GPR158: variants seen among roughly 807,000 people sequenced by gnomAD.
GPR158 encodes G protein-coupled receptor 158.
GPR158 carries 30 observed loss-of-function variants against 78.2 expected under a neutral mutation model. The ratio of observed to expected loss-of-function variants is 0.38; its 90% confidence interval spans 0.29 to 0.52. The LOEUF is 0.52. GPR158 is among the 20% of genes least tolerant of loss of function. GPR158 has a pLI of 0.83. For missense variants in GPR158, 1,463 were observed against 1,523.5 expected, an observed-to-expected ratio of 0.96 and a Z score of 0.66; for synonymous variants, 581 against 591.1, an observed-to-expected ratio of 0.98 and a Z score of 0.25.
chr10:25,354,225 C>T (rs987199451), intron 2 of GPR158, among the ~76,000 whole-genome samples: 3 of 151,736 alleles, frequency 2.0e-5, no homozygotes, highest in Non-Finnish European at 4.4e-5. Flanking sequence ...CGTGGTGGCT[C>T]ATGCCTGTAA....
intron 1 of GPR158, among the ~76,000 whole-genome samples, chr10:25,219,169 G>A (rs886308606): frequency 2.6e-5 from 4 of 152,224 alleles, no homozygotes; most frequent in Non-Finnish European, 5.9e-5. Context: ...GGTTATTGAA[G>A]CCCTACGTTA....
At chr10:25,595,817 T>C (rs963390813) in intron 9 of GPR158, among the ~76,000 whole-genome samples, 3 of 152,226 alleles carry the variant, frequency 2.0e-5, no homozygotes, top group African/African-American at 7.2e-5. Context: ...ATAGTGATGA[T>C]GGTTGCACAA....
At chr10:25,274,311 A>G (rs1032469859) in intron 2 of GPR158, among the ~76,000 whole-genome samples, 3 of 152,230 alleles carry the variant, frequency 2.0e-5, no homozygotes, top group Non-Finnish European at 4.4e-5. Flanking sequence ...CACATCCTAT[A>G]TAACACATGA....
At chr10:25,555,025 AAGAAG>A (rs1836769211) in intron 6 of GPR158, among the ~76,000 whole-genome samples, 1 of 152,034 alleles carries the variant, frequency 6.6e-6, no homozygotes, top group African/African-American at 2.4e-5. Flanking sequence ...AAGAAAAGAA[AAGAAG>A]AGAAAAGAAG....
chr10:25,428,768 T>C (rs1340980233), intron 4 of GPR158, among the ~76,000 whole-genome samples: 1 of 152,064 alleles, frequency 6.6e-6, no homozygotes, highest in Non-Finnish European at 1.5e-5. Context: ...ATAATTAAAA[T>C]TTATGTCATT....
At chr10:25,498,781 G>C (rs1015584867) in intron 5 of GPR158, among the ~76,000 whole-genome samples, 1 of 152,182 alleles carries the variant, frequency 6.6e-6, no homozygotes, top group African/African-American at 2.4e-5. Flanking sequence ...GAGGTGAATA[G>C]GGTTGCTCGC....
At chr10:25,517,477 T>A (rs867745182) in intron 5 of GPR158, among the ~76,000 whole-genome samples, 7 of 152,264 alleles carry the variant, frequency 4.6e-5, no homozygotes, top group South Asian at 4.1e-4. Context: ...CTTCCAGTTT[T>A]TGCCCATTCA....
chr10:25,419,717 G>A (rs1277990916), intron 4 of GPR158, among the ~76,000 whole-genome samples: 1 of 152,068 alleles, frequency 6.6e-6, no homozygotes, highest in Non-Finnish European at 1.5e-5. Flanking sequence ...GTGTGAAGTG[G>A]TATCTCATTG....
intron 4 of GPR158, among the ~76,000 whole-genome samples, chr10:25,431,399 A>C (rs2130575747): frequency 6.8e-6 from 1 of 147,774 alleles, no homozygotes; most frequent in East Asian, 1.9e-4. Context: ...GAACACTTTT[A>C]CACTGTTGGT....
At chr10:25,447,561 T>C (rs1196262038) in intron 4 of GPR158, among the ~76,000 whole-genome samples, 1 of 152,160 alleles carries the variant, frequency 6.6e-6, no homozygotes, top group Non-Finnish European at 1.5e-5. Context: ...TGTAAATGAA[T>C]AGGAAGCATG....
At chr10:25,386,045 G>A (rs540790318) in intron 2 of GPR158, among the ~76,000 whole-genome samples, 99 of 152,228 alleles carry the variant, frequency 6.5e-4, no homozygotes, top group African/African-American at 2.4e-3. Context: ...CAAATCTAAT[G>A]TCATAAGGCT....
intron 2 of GPR158, among the ~76,000 whole-genome samples, chr10:25,334,639 T>C (rs1855172631): frequency 6.6e-6 from 1 of 152,048 alleles, no homozygotes; most frequent in Admixed American, 6.6e-5. Context: ...AGATTCTAGT[T>C]ATGATTGTTA....
At chr10:25,194,784 T>G (rs2130646973) in intron 1 of GPR158, among the ~76,000 whole-genome samples, 1 of 152,356 alleles carries the variant, frequency 6.6e-6, no homozygotes, top group South Asian at 2.1e-4. Flanking sequence ...CTCTCCATTG[T>G]TTTATTATAG....
chr10:25,555,664 C>T (rs544930828), intron 6 of GPR158, among the ~76,000 whole-genome samples: 48 of 152,014 alleles, frequency 3.2e-4, no homozygotes, highest in Non-Finnish European at 5.6e-4. Flanking sequence ...AAACTTAATG[C>T]TGAAAGAACA....
chr10:25,331,668 G>T (rs1296775164), intron 2 of GPR158, among the ~76,000 whole-genome samples: 1 of 152,144 alleles, frequency 6.6e-6, no homozygotes, highest in East Asian at 1.9e-4. Context: ...GCTGCCTATG[G>T]CTTTCATCGG....
chr10:25,553,970 G>A (rs1836756837), intron 6 of GPR158, among the ~76,000 whole-genome samples: 1 of 152,080 alleles, frequency 6.6e-6, no homozygotes, highest in South Asian at 2.1e-4. Flanking sequence ...TGTCAAGTAG[G>A]GTTTTTTGGT....
At chr10:25,310,925 A>G (rs1854754717) in intron 2 of GPR158, among the ~76,000 whole-genome samples, 1 of 151,956 alleles carries the variant, frequency 6.6e-6, no homozygotes, top group South Asian at 2.1e-4. Context: ...CTTTCCTCAA[A>G]TATCTATCCA....
chr10:25,207,581 C>G (rs531961997), intron 1 of GPR158, among the ~76,000 whole-genome samples: 1 of 152,042 alleles, frequency 6.6e-6, no homozygotes, highest in Non-Finnish European at 1.5e-5. Context: ...CTGTGAGAAT[C>G]GAATGCCACC....
At chr10:25,375,777 C>G (rs1250703535) in intron 2 of GPR158, among the ~76,000 whole-genome samples, 1 of 151,524 alleles carries the variant, frequency 6.6e-6, no homozygotes, top group Non-Finnish European at 1.5e-5. Context: ...ATCGTAGTGT[C>G]TTAATTACTG....
Sources: allele counts gnomAD v4.1 joint callset (sites outside exome capture counted in the v4.1 genomes callset), GRCh38; gene constraint gnomAD v4.1.1; transcripts MANE v1.5; gene names NCBI Gene and HGNC (gene_info 2026-07-23, HGNC 2026-07-21).